MICU1: variants seen among roughly 807,000 people sequenced by gnomAD.
MICU1 encodes the protein calcium uptake protein 1, mitochondrial.
MICU1 carries 45 observed loss-of-function variants against 56.8 expected under a neutral mutation model. That is an observed-to-expected ratio of 0.79 (90% CI 0.62 to 1.02). The LOEUF is 1.02. Among genes scored for constraint, MICU1 ranks in the 50% least tolerant of loss-of-function variants. The pLI, the probability that MICU1 is intolerant of heterozygous loss-of-function variation, is 0.00. For missense variants in MICU1, 504 were observed against 587.1 expected (o/e 0.86, Z 1.46); for synonymous variants, 186 against 195.1 (o/e 0.95, Z 0.39).
At chr10:72,419,472 A>T (rs1221712287) in intron 9 of MICU1, among the ~76,000 whole-genome samples, 1 of 152,264 alleles carries the variant, frequency 6.6e-6, no homozygotes, top group African/African-American at 2.4e-5. Context: ...TCTCAGAGCC[A>T]GCCTGCCCTC....
chr10:72,569,222 TA>T (rs1564939676), intron 1 of MICU1, among the ~76,000 whole-genome samples: 18 of 43,374 alleles, frequency 4.1e-4, no homozygotes, highest in African/African-American at 7.1e-4. Context: ...TATATATATA[TA>T]TATATATATA....
At chr10:72,465,309 G>GTTTT (rs58604429) in intron 8 of MICU1, among the ~76,000 whole-genome samples, 1 of 121,928 alleles carries the variant, frequency 8.2e-6, no homozygotes, top group Non-Finnish European at 1.6e-5. Context: ...ATAGTTTTTT[G>GTTTT]TTTTTTTTTT....
chr10:72,433,402 A>C (rs1864609404), intron 8 of MICU1, among the ~76,000 whole-genome samples: 1 of 150,196 alleles, frequency 6.7e-6, no homozygotes, highest in Admixed American at 6.6e-5. Context: ...GCATGCCACC[A>C]TGCCCAGCTA....
At chr10:72,584,866 A>G (rs1312097959) in intron 1 of MICU1, among the ~76,000 whole-genome samples, 1 of 152,132 alleles carries the variant, frequency 6.6e-6, no homozygotes, top group Non-Finnish European at 1.5e-5. Flanking sequence ...TAATGTACCT[A>G]AGAGCCATTA....
chr10:72,407,636 A>C (rs939403644), intron 10 of MICU1, among the ~76,000 whole-genome samples: 1 of 152,202 alleles, frequency 6.6e-6, no homozygotes, highest in African/African-American at 2.4e-5. Context: ...TGGCTCAGAT[A>C]GGGGAAGTTC....
At chr10:72,471,605 T>A (rs1865954340) in intron 8 of MICU1, among the ~76,000 whole-genome samples, 1 of 152,186 alleles carries the variant, frequency 6.6e-6, no homozygotes, top group Non-Finnish European at 1.5e-5. Flanking sequence ...ATTTCTTTGT[T>A]TGTTTTTGTT....
intron 9 of MICU1, among the ~76,000 whole-genome samples, chr10:72,414,151 C>T (rs969432762): frequency 1.3e-5 from 2 of 152,212 alleles, no homozygotes; most frequent in Non-Finnish European, 2.9e-5. Flanking sequence ...AAACACAGGT[C>T]TGCAGGAGGA....
intron 1 of MICU1, among the ~76,000 whole-genome samples, chr10:72,585,687 G>A (rs1446442914): frequency 6.6e-6 from 1 of 151,482 alleles, no homozygotes; most frequent in Admixed American, 6.6e-5. Flanking sequence ...CATTTTAAAT[G>A]TTTCTGTTTA....
At chr10:72,581,103 A>G (rs1221868695) in intron 1 of MICU1, among the ~76,000 whole-genome samples, 1 of 152,238 alleles carries the variant, frequency 6.6e-6, no homozygotes, top group Non-Finnish European at 1.5e-5. Context: ...ACACAGATGG[A>G]TGCACTTTTT....
intron 4 of MICU1, among the ~76,000 whole-genome samples, chr10:72,539,897 C>G (rs1473372948): frequency 6.6e-6 from 1 of 152,176 alleles, no homozygotes; most frequent in Admixed American, 6.5e-5. Flanking sequence ...CTCTGGAAAT[C>G]AATTTGGCAA....
intron 1 of MICU1, among the ~76,000 whole-genome samples, chr10:72,614,570 A>T (rs181484402): frequency 1.4e-4 from 21 of 152,354 alleles, no homozygotes; most frequent in Non-Finnish European, 3.1e-4. Context: ...AAATTTCATC[A>T]TGTCATTTCA....
At chr10:72,565,253 T>C (rs952909099) in intron 2 of MICU1, among the ~76,000 whole-genome samples, 2 of 151,622 alleles carry the variant, frequency 1.3e-5, no homozygotes, top group African/African-American at 2.4e-5. Context: ...TGTCCAACAA[T>C]GATAGACTGG....
chr10:72,452,022 G>A (rs1300815089), intron 8 of MICU1, among the ~76,000 whole-genome samples: 1 of 151,830 alleles, frequency 6.6e-6, no homozygotes, highest in East Asian at 1.9e-4. Flanking sequence ...CTGCCACCAT[G>A]CCTGGCTAAT....
At chr10:72,452,585 T>G (rs1326512205) in intron 8 of MICU1, among the ~76,000 whole-genome samples, 1 of 152,222 alleles carries the variant, frequency 6.6e-6, no homozygotes, top group Non-Finnish European at 1.5e-5. Flanking sequence ...CACAATTACC[T>G]ACCATTATGT....
chr10:72,504,729 C>G (rs940161799), intron 6 of MICU1, among the ~76,000 whole-genome samples: 1 of 152,140 alleles, frequency 6.6e-6, no homozygotes, highest in African/African-American at 2.4e-5. Context: ...AACTATGCAT[C>G]TGACAATGGT....
intron 10 of MICU1, among the ~76,000 whole-genome samples, chr10:72,397,130 A>G (rs1005620923): frequency 6.6e-6 from 1 of 152,230 alleles, no homozygotes; most frequent in Non-Finnish European, 1.5e-5. Context: ...CCAATATTCA[A>G]CATTCTTAAA....
intron 6 of MICU1, among the ~76,000 whole-genome samples, chr10:72,498,581 G>A (rs1866927174): frequency 6.6e-6 from 1 of 151,908 alleles, no homozygotes; most frequent in African/African-American, 2.4e-5. Context: ...ATAAGACTCT[G>A]TATCAAAAAA....
intron 1 of MICU1, among the ~76,000 whole-genome samples, chr10:72,569,710 AG>A (rs1840559785): frequency 6.6e-6 from 1 of 152,132 alleles, no homozygotes; most frequent in African/African-American, 2.4e-5. Context: ...CCAAAACCAT[AG>A]GATCATTTCG....
At chr10:72,384,394 C>T (rs1171074631) in intron 10 of MICU1, among the ~76,000 whole-genome samples, 4 of 152,110 alleles carry the variant, frequency 2.6e-5, no homozygotes, top group East Asian at 1.9e-4. Flanking sequence ...TACACTTTCC[C>T]GATATTGATG....
Sources: gnomAD v4.1 joint callset for allele counts (sites outside exome capture counted in the v4.1 genomes callset) on GRCh38, gnomAD v4.1.1 for gene constraint, MANE v1.5 for transcripts, NCBI Gene and HGNC (gene_info 2026-07-23, HGNC 2026-07-21) for gene names.